The following NXPE2 variants were observed in gnomAD, a reference collection of about 807,000 sequenced individuals.
NXPE2 encodes neurexophilin and PC-esterase domain family member 2, also known as NXPE family member 2.
In NXPE2, 34 loss-of-function variants were observed where a neutral mutation model predicts 34.4. That is an observed-to-expected ratio of 0.99 (90% CI 0.75 to 1.31). The LOEUF (loss-of-function observed/expected upper bound fraction) is 1.31. NXPE2 is among the 40% of genes most tolerant of loss of function. The probability of loss-of-function intolerance (pLI) is 0.00; values close to 1 mark genes in which losing one functional copy is unlikely to be tolerated. For synonymous variants in NXPE2, 235 were observed against 231.3 expected, an observed-to-expected ratio of 1.02 and a Z score of -0.15; for missense variants, 649 against 672.5, an observed-to-expected ratio of 0.97 and a Z score of 0.39.
chr11:114,527,380 T>C, the NXPE2 span: 1 of 153,062 alleles, frequency 6.5e-6, no homozygotes, highest in Admixed American at 6.5e-5. Context: ...TAAGGTAGTA[T>C]AAATATTCTT....
chr11:114,486,746 A>G, the NXPE2 span, among the ~76,000 whole-genome samples: 1 of 152,132 alleles, frequency 6.6e-6, no homozygotes. Flanking sequence ...CATTTATTGA[A>G]GAGACTGTCC....
At chr11:114,627,174 C>A in the NXPE2 span, among the ~76,000 whole-genome samples, 7 of 151,964 alleles carry the variant, frequency 4.6e-5, no homozygotes, top group Admixed American at 1.3e-4. Context: ...GAGAACGCCA[C>A]AAAGATACTC....
the NXPE2 span, among the ~76,000 whole-genome samples, chr11:114,629,201 C>T: frequency 1.8e-3 from 280 of 152,102 alleles, 2 homozygotes; most frequent in African/African-American, 5.3e-3. Context: ...ATACCAAAGC[C>T]GGGCAGAGAC....
the NXPE2 span, among the ~76,000 whole-genome samples, chr11:114,510,407 A>AT: frequency 6.6e-6 from 1 of 151,878 alleles, no homozygotes; most frequent in Admixed American, 6.6e-5. Flanking sequence ...CTAATTTTTA[A>AT]TTTTTTTTCA....
the NXPE2 span, among the ~76,000 whole-genome samples, chr11:114,611,104 A>G: frequency 4.2e-5 from 6 of 142,222 alleles, no homozygotes; most frequent in Admixed American, 4.2e-4. Flanking sequence ...GCCTCGTGGG[A>G]AACCAGTGGA....
chr11:114,542,233 TG>T, the NXPE2 span, among the ~76,000 whole-genome samples: 1 of 152,180 alleles, frequency 6.6e-6, no homozygotes, highest in Non-Finnish European at 1.5e-5. Context: ...TAGAGTAAAA[TG>T]TTTAAGAAAA....
chr11:114,607,494 G>A, the NXPE2 span, among the ~76,000 whole-genome samples: 8 of 151,372 alleles, frequency 5.3e-5, no homozygotes, highest in Admixed American at 3.9e-4. Flanking sequence ...CACCATTACC[G>A]GCTGGATACT....
At chr11:114,655,381 A>T in the NXPE2 span, among the ~76,000 whole-genome samples, 1 of 152,130 alleles carries the variant, frequency 6.6e-6, no homozygotes, top group East Asian at 1.9e-4. Context: ...TTGGTGTTTT[A>T]GTCATGAAGT....
chr11:114,634,750 G>A, the NXPE2 span, among the ~76,000 whole-genome samples: 1 of 151,866 alleles, frequency 6.6e-6, no homozygotes, highest in African/African-American at 2.4e-5. Flanking sequence ...TTTTTCTCAG[G>A]TTTCTCAAAG....
the NXPE2 span, among the ~76,000 whole-genome samples, chr11:114,614,627 T>C: frequency 6.6e-6 from 1 of 151,530 alleles, no homozygotes; most frequent in Non-Finnish European, 1.5e-5. Context: ...TGTTACCTGG[T>C]GGATTATAAG....
chr11:114,525,008 T>C, the NXPE2 span, among the ~76,000 whole-genome samples: 1 of 152,114 alleles, frequency 6.6e-6, no homozygotes, highest in Non-Finnish European at 1.5e-5. Context: ...ATCTTGCCCG[T>C]AGGTCAAACA....
chr11:114,708,640 A>AGAAAG (rs1339109073), downstream of NXPE2, among the ~76,000 whole-genome samples: 2 of 140,666 alleles, frequency 1.4e-5, no homozygotes, highest in African/African-American at 5.5e-5. Context: ...AAAAAAAAAA[A>AGAAAG]GAAAAGAAAA....
the NXPE2 span, among the ~76,000 whole-genome samples, chr11:114,780,757 C>A: frequency 6.6e-6 from 1 of 152,172 alleles, no homozygotes; most frequent in Non-Finnish European, 1.5e-5. Flanking sequence ...TTTCAGCTGC[C>A]TGGATTACAT....
At chr11:114,545,261 C>T in the NXPE2 span, among the ~76,000 whole-genome samples, 1 of 152,184 alleles carries the variant, frequency 6.6e-6, no homozygotes, top group East Asian at 1.9e-4. Context: ...AATACCTGCA[C>T]ATGAATGTTT....
At chr11:114,561,852 T>C in the NXPE2 span, among the ~76,000 whole-genome samples, 1 of 152,234 alleles carries the variant, frequency 6.6e-6, no homozygotes, top group African/African-American at 2.4e-5. Flanking sequence ...TTGATCACAC[T>C]TTCCTTTTAT....
chr11:114,667,860 A>T, the NXPE2 span, among the ~76,000 whole-genome samples: 1 of 152,280 alleles, frequency 6.6e-6, no homozygotes, highest in East Asian at 1.9e-4. Context: ...CCACCCAAAT[A>T]AGCCACTCCT....
At chr11:114,710,114 G>A (rs1007541129), downstream of NXPE2, among the ~76,000 whole-genome samples, 1 of 151,982 alleles carries the variant, frequency 6.6e-6, no homozygotes, top group Non-Finnish European at 1.5e-5. Context: ...TAACAGGGAA[G>A]TTCATAGCAA....
chr11:114,626,261 G>A, the NXPE2 span, among the ~76,000 whole-genome samples: 9 of 152,214 alleles, frequency 5.9e-5, no homozygotes, highest in East Asian at 1.9e-4. Flanking sequence ...AACCTCTGCA[G>A]ACTTAAATGT....
At chr11:114,613,356 A>T in the NXPE2 span, among the ~76,000 whole-genome samples, 1 of 151,380 alleles carries the variant, frequency 6.6e-6, no homozygotes, top group South Asian at 2.1e-4. Context: ...TGCCTCGTGG[A>T]TAACCACGGT....
Sources: gnomAD v4.1 joint callset for allele counts (sites outside exome capture counted in the v4.1 genomes callset) on GRCh38, gnomAD v4.1.1 for gene constraint, MANE v1.5 for transcripts, NCBI Gene and HGNC (gene_info 2026-07-23, HGNC 2026-07-21) for gene names.